KATNIP: variants seen among roughly 807,000 people sequenced by gnomAD.
KATNIP encodes katanin-interacting protein.
Under a neutral mutation model 174.0 loss-of-function variants are expected in KATNIP, and 126 were observed. The observed-to-expected ratio is 0.72, with a 90% CI of 0.63 to 0.84. KATNIP has a LOEUF of 0.84. KATNIP is among the 40% of genes least tolerant of loss of function. The pLI is 0.00. For missense variants in KATNIP, 1,958 were observed against 2,109.7 expected, an observed-to-expected ratio of 0.93 and a Z score of 1.41; for synonymous variants, 810 against 835.7, an observed-to-expected ratio of 0.97 and a Z score of 0.53.
At chr16:27,580,416 G>A (rs962515353) in intron 2 of KATNIP, among the ~76,000 whole-genome samples, 15 of 152,180 alleles carry the variant, frequency 9.9e-5, no homozygotes, top group African/African-American at 3.6e-4. Context: ...CCTGGTCCTT[G>A]TTGCTGTCTT....
intron 8 of KATNIP, among the ~76,000 whole-genome samples, chr16:27,684,036 T>C (rs1246802407): frequency 6.6e-6 from 1 of 152,202 alleles, no homozygotes; most frequent in East Asian, 1.9e-4. Flanking sequence ...TAACTGGGAC[T>C]TCCCTCCTTT....
intron 2 of KATNIP, among the ~76,000 whole-genome samples, chr16:27,616,925 A>AAAAAAT (rs2076056981): frequency 2.3e-5 from 2 of 88,324 alleles, no homozygotes; most frequent in Admixed American, 1.2e-4. Flanking sequence ...AAAAAAAAAA[A>AAAAAAT]TGCTTTTTAA....
rs2081065944 is a variant in KATNIP, at chr16:27,740,555, C to T, written c.2258C>T (p.Ser753Phe). The T allele has an allele frequency of 3.1e-6, 5 of 1,614,142 alleles. No homozygotes were observed. The highest frequency in any genetic ancestry group is 4.2e-6 in the Non-Finnish European group (5 of 1,180,030). Reference protein sequence around the residue: ...KICEPPGKTPSWLQPSPTGKD... With the variant: ...KICEPPGKTPFWLQPSPTGKD... ...TGTGAGCCACCCGGGAAAACCCCAT[C>T]CTGGTTACAACCTTCTCCCACCGGC... Residue 753 changes from serine to phenylalanine, a missense_variant, in exon 15 of 28, where the codon TCC (serine) becomes TTC (phenylalanine). Ser to Phe is a radical substitution (Grantham distance 155). Coordinates refer to ENST00000261588, the MANE Select transcript of KATNIP (RefSeq NM_015202.5).
intron 5 of KATNIP, among the ~76,000 whole-genome samples, chr16:27,632,777 G>A (rs2076528981): frequency 1.3e-5 from 2 of 151,954 alleles, no homozygotes; most frequent in Admixed American, 6.6e-5. Flanking sequence ...TTGAGACAGA[G>A]TCTCGCTCTG....
intron 13 of KATNIP, among the ~76,000 whole-genome samples, chr16:27,713,391 A>G (rs1597256872): frequency 6.6e-6 from 1 of 152,002 alleles, no homozygotes; most frequent in Non-Finnish European, 1.5e-5. Context: ...CTCATCTTGA[A>G]TTGTAAAAAT....
intron 1 of KATNIP, among the ~76,000 whole-genome samples, chr16:27,570,370 C>A (rs995053347): frequency 1.3e-5 from 2 of 151,906 alleles, no homozygotes; most frequent in Non-Finnish European, 2.9e-5. Context: ...TCGAGACCAG[C>A]CTAGCCAACA....
At chr16:27,553,501 A>G (rs1567428367) in intron 1 of KATNIP, among the ~76,000 whole-genome samples, 1 of 152,212 alleles carries the variant, frequency 6.6e-6, no homozygotes, top group Non-Finnish European at 1.5e-5. Context: ...TAAAACAAAC[A>G]AACAATTATT....
intron 17 of KATNIP, among the ~76,000 whole-genome samples, 164 bp downstream of exon 17, chr16:27,752,088 T>G (rs796669406): frequency 3.9e-5 from 6 of 152,374 alleles, no homozygotes; most frequent in African/African-American, 1.4e-4. Flanking sequence ...CTATGTCATA[T>G]TTCATTCTCT....
intron 14 of KATNIP, among the ~76,000 whole-genome samples, chr16:27,723,191 C>A (rs1048675659): frequency 4.6e-5 from 7 of 152,176 alleles, no homozygotes; most frequent in African/African-American, 1.7e-4. Context: ...GCGATCCAAT[C>A]ACACATCTCT....
At chr16:27,733,826 G>T (rs974013770) in intron 14 of KATNIP, among the ~76,000 whole-genome samples, 1 of 152,146 alleles carries the variant, frequency 6.6e-6, no homozygotes, top group South Asian at 2.1e-4. Flanking sequence ...GCTGCACTGA[G>T]GGGGCGCAGA....
At position 27,777,080 on chromosome 16, in the gene KATNIP, T is replaced by G. The variant is rs771876994; in HGVS notation, c.4551+51T>G. ...TGAGATAATTATGCTCGTTGGTAAT[T>G]AGGCCGCCGGCAATTATCATTTGTC... On this transcript the variant is annotated intron_variant, in intron 25 of 27. Transcript: ENST00000261588. The surrounding 1 kb of genome is among the most constrained non-coding windows in gnomAD (Gnocchi z 4.4). 3.5e-6 allele frequency: 4 copies of G among 1,149,454 alleles called. No individual in the cohort carries two copies. The allele number at this position is 1,149,454 out of a possible 1,614,324, so 71.2% of individuals were successfully genotyped here. A position where few individuals can be genotyped will look rare whatever the true frequency, so the allele number is the denominator to read the frequency against.
rs981710147 is a variant in KATNIP at position 27,699,569 on chromosome 16, T to A, written c.1149T>A (p.Ser383Arg). Reference protein sequence around the residue: ...AEGPPAKPWTSLLEEKEETLE... With the variant: ...AEGPPAKPWTRLLEEKEETLE... ...GACCACCAGCAAAACCATGGACCAG[T>A]CTGCTGGAGGAGAAGGAAGAGACCC... Residue 383 changes from serine (S) to arginine (R), a missense_variant, in exon 10 of 28, where the codon AGT (serine) becomes AGA (arginine). Physicochemically the swap from Ser to Arg is moderately radical, Grantham distance 110. Transcript: ENST00000261588. The A allele has an allele frequency of 4.3e-6, 7 of 1,614,042 alleles. No homozygotes were observed. In the African/African-American group the frequency reaches 8.0e-5, roughly 18 times the overall value.
chr16:27,574,257 G>GT, intron 2 of KATNIP: 1 of 372,890 alleles, frequency 2.7e-6, no homozygotes, highest in Non-Finnish European at 5.0e-6. Context: ...TCTGGATTTG[G>GT]TGGGTTAGCA....
At chr16:27,677,182 G>T (rs375402588) in intron 6 of KATNIP, among the ~76,000 whole-genome samples, 2 of 152,204 alleles carry the variant, frequency 1.3e-5, no homozygotes, top group Non-Finnish European at 2.9e-5. Context: ...TTTAGATGCC[G>T]CTCAACACCC....
intron 1 of KATNIP, among the ~76,000 whole-genome samples, chr16:27,561,615 G>A (rs2089887783): frequency 6.6e-6 from 1 of 152,200 alleles, no homozygotes; most frequent in African/African-American, 2.4e-5. Flanking sequence ...CAGGAAGTCA[G>A]AGCGCTACAG....
chr16:27,658,289 A>G (rs1192354154), intron 6 of KATNIP, among the ~76,000 whole-genome samples: 1 of 152,212 alleles, frequency 6.6e-6, no homozygotes. Context: ...ATCGCTTAGG[A>G]TATTTGTTTA....
At chr16:27,756,128 C>T (rs1475172020) in intron 18 of KATNIP, among the ~76,000 whole-genome samples, 3 of 152,164 alleles carry the variant, frequency 2.0e-5, no homozygotes, top group Admixed American at 6.5e-5. Context: ...CTTCTGCGAC[C>T]GCATCTCCTC....
intron 1 of KATNIP, among the ~76,000 whole-genome samples, chr16:27,567,524 G>C (rs569764580): frequency 6.6e-6 from 1 of 151,922 alleles, no homozygotes; most frequent in African/African-American, 2.4e-5. Flanking sequence ...CTGTTTGTTT[G>C]TGTTTTTGTT....
intron 1 of KATNIP, among the ~76,000 whole-genome samples, chr16:27,573,341 T>C (rs2090374546): frequency 6.6e-6 from 1 of 152,394 alleles, no homozygotes; most frequent in South Asian, 2.1e-4. Context: ...GATGTCACTC[T>C]GTTGAATTTA....
Sources: gnomAD v4.1 joint callset for allele counts (sites outside exome capture counted in the v4.1 genomes callset) on GRCh38, gnomAD v4.1.1 for gene constraint, Gnocchi (gnomAD v3.1) non-coding constraint, MANE v1.5 for transcripts, NCBI Gene and HGNC (gene_info 2026-07-23, HGNC 2026-07-21) for gene names.